The following NKAIN2 variants were observed in gnomAD, a reference collection of about 807,000 sequenced individuals.
NKAIN2 encodes sodium/potassium transporting ATPase interacting 2.
A neutral mutation model predicts 32.6 loss-of-function variants in NKAIN2; 14 were observed. The ratio of observed to expected loss-of-function variants is 0.43; its 90% confidence interval spans 0.28 to 0.67. The LOEUF (loss-of-function observed/expected upper bound fraction) is 0.67, where lower values mean the gene tolerates loss of function less well. Among genes scored for constraint, NKAIN2 ranks in the 30% least tolerant of loss-of-function variants. The pLI is 0.17. For missense variants in NKAIN2, 198 were observed against 258.3 expected (o/e 0.77, Z 1.60); for synonymous variants, 80 against 87.2 (o/e 0.92, Z 0.46).
chr6:124,217,102 A>G (rs1791517522), intron 1 of NKAIN2, among the ~76,000 whole-genome samples: 1 of 152,202 alleles, frequency 6.6e-6, no homozygotes, highest in Admixed American at 6.5e-5. Context: ...AAAATAGGAA[A>G]TAATAGGCAA....
In NKAIN2 at chr6:124,254,005, C is replaced by T. The variant is rs546287223; in HGVS notation, c.55-29000C>T. Among the ~76,000 whole-genome samples, 263 of 149,144 alleles carry T rather than the reference C, an allele frequency of 1.8e-3. 2 individuals carry two copies. Among genetic ancestry groups the T allele is most frequent in the Non-Finnish European group, 3.2e-3 (213 of 67,308 alleles). ...GCTAATTTTGTATTTTTAGTAGAGA[C>T]GGGGTTTCACAATGTTGGCCAAGAT... is the stretch of plus-strand genomic sequence containing the variant. On this transcript the variant is annotated intron_variant, in intron 1 of 6. Coordinates refer to ENST00000368417, the MANE Select transcript of NKAIN2 (RefSeq NM_001040214.3).
intron 4 of NKAIN2, among the ~76,000 whole-genome samples, chr6:124,704,838 T>C (rs1237684498): frequency 1.3e-5 from 2 of 151,970 alleles, no homozygotes; most frequent in Non-Finnish European, 2.9e-5. Flanking sequence ...ATTTTACCTC[T>C]CAGCAGGAAA....
chr6:124,558,212 G>T (rs1340009901), intron 3 of NKAIN2, among the ~76,000 whole-genome samples: 1 of 152,158 alleles, frequency 6.6e-6, no homozygotes, highest in Non-Finnish European at 1.5e-5. Context: ...CTTGTATCAG[G>T]TTTCAGTCTC....
chr6:124,256,483 T>A (rs139485456), intron 1 of NKAIN2, among the ~76,000 whole-genome samples: 121 of 152,266 alleles, frequency 7.9e-4, no homozygotes, highest in African/African-American at 2.6e-3. Context: ...CTGTTATATA[T>A]CTTCAATGCC....
At chr6:124,657,197 A>G (rs1784570158) in intron 3 of NKAIN2, among the ~76,000 whole-genome samples, 2 of 152,166 alleles carry the variant, frequency 1.3e-5, no homozygotes, top group African/African-American at 2.4e-5. Context: ...GTCCATCAGA[A>G]CCTCACTTTG....
At chr6:124,605,284 A>G (rs1197346212) in intron 3 of NKAIN2, among the ~76,000 whole-genome samples, 1 of 152,042 alleles carries the variant, frequency 6.6e-6, no homozygotes, top group Non-Finnish European at 1.5e-5. Flanking sequence ...GAGTTGTAAG[A>G]GGCATGATTA....
At position 124,049,128 on chromosome 6, in the gene NKAIN2, A is replaced by G. The variant is rs140859429; in HGVS notation, c.55-233877A>G. On this transcript the variant is annotated intron_variant, in intron 1 of 6. Coordinates refer to ENST00000368417, the MANE Select transcript of NKAIN2 (RefSeq NM_001040214.3). The stretch of plus-strand genomic sequence containing the variant: ...ATTTTTGCATCAATTCTCTGTATTT[A>G]TTTTCTCAAATGTGGAAATTCCAAT... 4.0e-4 allele frequency among the ~76,000 whole-genome samples: 61 copies of G among 152,016 alleles called. No individual in the cohort carries two copies. The East Asian group carries it at 9.5e-3, about 24-fold the overall frequency.
At chr6:124,547,207 T>A (rs537308171) in intron 3 of NKAIN2, among the ~76,000 whole-genome samples, 1 of 152,326 alleles carries the variant, frequency 6.6e-6, no homozygotes, top group South Asian at 2.1e-4. Flanking sequence ...TTGCAAATGG[T>A]GTTAGAGAAA....
At chr6:124,260,321 G>A (rs957359105) in intron 1 of NKAIN2, among the ~76,000 whole-genome samples, 2 of 152,190 alleles carry the variant, frequency 1.3e-5, no homozygotes, top group Non-Finnish European at 2.9e-5. Context: ...GTTAGAGGGT[G>A]TTAAATGCAA....
At chr6:124,379,124 A>C (rs1371773407) in intron 3 of NKAIN2, among the ~76,000 whole-genome samples, 1 of 63,186 alleles carries the variant, frequency 1.6e-5, no homozygotes, top group South Asian at 8.7e-4. Flanking sequence ...AGGAGAGGGG[A>C]GGGGAGGAGA....
chr6:124,494,329 T>G lies in NKAIN2; in HGVS notation c.273+138982T>G, dbSNP rs1371527703. Among the ~76,000 whole-genome samples, 5 of 152,074 alleles carry G rather than the reference T, an allele frequency of 3.3e-5. No individual in the cohort carries two copies. In the East Asian group the frequency reaches 5.8e-4, roughly 18 times the overall value. On this transcript the variant is annotated intron_variant, in intron 3 of 6. Transcript: ENST00000368417. ...CTCTGTATTAGCACCAAGAGTGAGT[T>G]TTTTAAAAATATTCTAATCCAAATG...
At chr6:124,613,516 T>C (rs577247212) in intron 3 of NKAIN2, among the ~76,000 whole-genome samples, 17 of 152,322 alleles carry the variant, frequency 1.1e-4, no homozygotes, top group African/African-American at 3.4e-4. Context: ...GTGACTATTC[T>C]AATCTAGATA....
chr6:124,082,202 A>G (rs1215811091), intron 1 of NKAIN2, among the ~76,000 whole-genome samples: 1 of 152,078 alleles, frequency 6.6e-6, no homozygotes, highest in African/African-American at 2.4e-5. Context: ...ATTGGCAAGG[A>G]CTGCATCTGA....
intron 3 of NKAIN2, among the ~76,000 whole-genome samples, chr6:124,640,960 T>A (rs1783963484): frequency 6.6e-6 from 1 of 152,180 alleles, no homozygotes; most frequent in Admixed American, 6.5e-5. Context: ...TAAAACAAAA[T>A]TCTTTGTATT....
At chr6:124,216,886 T>C (rs1791508084) in intron 1 of NKAIN2, among the ~76,000 whole-genome samples, 2 of 152,156 alleles carry the variant, frequency 1.3e-5, no homozygotes, top group Admixed American at 1.3e-4. Context: ...AATTCAATCA[T>C]AAAGCAATGG....
At chr6:124,709,456 A>C (rs1488885153) in intron 4 of NKAIN2, among the ~76,000 whole-genome samples, 1 of 151,870 alleles carries the variant, frequency 6.6e-6, no homozygotes, top group Non-Finnish European at 1.5e-5. Context: ...TCGGCTGTGA[A>C]TCCATCTGGT....
intron 1 of NKAIN2, among the ~76,000 whole-genome samples, chr6:124,019,601 GA>G (rs1780768326): frequency 6.6e-6 from 1 of 151,918 alleles, no homozygotes; most frequent in African/African-American, 2.4e-5. Context: ...TTTTTTGCAA[GA>G]AAAAATATAT....
At chr6:124,526,256 G>A (rs1728399773) in intron 3 of NKAIN2, among the ~76,000 whole-genome samples, 1 of 152,160 alleles carries the variant, frequency 6.6e-6, no homozygotes, top group South Asian at 2.1e-4. Flanking sequence ...CAGGGCAGGA[G>A]GTGGGGAGAA....
chr6:124,603,815 A>G (rs986398649), intron 3 of NKAIN2, among the ~76,000 whole-genome samples: 9 of 151,958 alleles, frequency 5.9e-5, no homozygotes, highest in African/African-American at 2.2e-4. Context: ...GTCACGTTAG[A>G]CCAAATAAAT....
Sources: allele counts gnomAD v4.1 joint callset (sites outside exome capture counted in the v4.1 genomes callset), GRCh38; gene constraint gnomAD v4.1.1; transcripts MANE v1.5; gene names NCBI Gene and HGNC (gene_info 2026-07-23, HGNC 2026-07-21).